The following N4BP2L2 variants were observed in gnomAD, a reference collection of about 807,000 sequenced individuals.
The protein encoded by N4BP2L2 is NEDD4-binding protein 2-like 2.
N4BP2L2 carries 50 observed loss-of-function variants against 56.2 expected under a neutral mutation model. The observed-to-expected ratio is 0.89, with a 90% CI of 0.71 to 1.13. The LOEUF (loss-of-function observed/expected upper bound fraction) is 1.13. Among genes scored for constraint, N4BP2L2 ranks in the 50% most tolerant of loss-of-function variants. The pLI is 0.00. For missense variants in N4BP2L2, 689 were observed against 693.8 expected, an observed-to-expected ratio of 0.99 and a Z score of 0.08; for synonymous variants, 203 against 223.6, an observed-to-expected ratio of 0.91 and a Z score of 0.82.
chr13:32,502,157 T>G (rs1309580616), intron 6 of N4BP2L2, among the ~76,000 whole-genome samples: 2 of 150,960 alleles, frequency 1.3e-5, no homozygotes, highest in African/African-American at 2.4e-5. Flanking sequence ...TCTGCCCTCC[T>G]GGGTTCAAGG....
intron 6 of N4BP2L2, among the ~76,000 whole-genome samples, chr13:32,453,784 A>G (rs2078504952): frequency 6.6e-6 from 1 of 152,230 alleles, no homozygotes; most frequent in Non-Finnish European, 1.5e-5. Context: ...TTCTTCTCAA[A>G]GAACTGTGGT....
intron 6 of N4BP2L2, among the ~76,000 whole-genome samples, chr13:32,500,053 C>G (rs1052102173): frequency 1.3e-5 from 2 of 152,178 alleles, no homozygotes; most frequent in Non-Finnish European, 2.9e-5. Context: ...TTGGTGTTTT[C>G]TGAGACTTTT....
chr13:32,504,778 G>A (rs1279600155), intron 6 of N4BP2L2: 1 of 152,190 alleles, frequency 6.6e-6, no homozygotes, highest in Non-Finnish European at 1.5e-5. Flanking sequence ...GTTTCACCCT[G>A]AGGCAAAATT....
intron 2 of N4BP2L2, among the ~76,000 whole-genome samples, chr13:32,532,266 A>G (rs1389060902): frequency 6.6e-6 from 1 of 152,192 alleles, no homozygotes; most frequent in Non-Finnish European, 1.5e-5. Context: ...CAAAAAACTA[A>G]TTTCTTAAAT....
chr13:32,521,276 G>A (rs1415743006), intron 5 of N4BP2L2, 97 bp downstream of exon 5: 1 of 984,422 alleles, frequency 1.0e-6, no homozygotes, highest in Non-Finnish European at 1.5e-6. Context: ...TCAGTTTCCT[G>A]AACCTACATT....
downstream of N4BP2L2, among the ~76,000 whole-genome samples, chr13:32,509,810 C>G (rs1011890591): frequency 1.3e-5 from 2 of 151,974 alleles, no homozygotes; most frequent in African/African-American, 4.8e-5. Context: ...ACAAAAATTC[C>G]AACTTTTCTA....
chr13:32,453,821 G>C lies in N4BP2L2; in HGVS notation c.366-9695C>G, dbSNP rs116710501. 2.8e-3 allele frequency among the ~76,000 whole-genome samples: 430 copies of C among 152,318 alleles called. 2 individuals are homozygous for C. The highest frequency in any genetic ancestry group is 9.7e-3 in the African/African-American group (401 of 41,550). On this transcript the variant is annotated intron_variant, in intron 6 of 9. Transcript: ENST00000357505. ...GTTTTGACCTTGCTGGTGACTCTGA[G>C]CTCAAAGGGCTTGTGCCTATTTTAA... is the stretch of plus-strand genomic sequence containing the variant.
chr13:32,516,397 A>G (rs574268862), exon 6 of N4BP2L2: 1 of 152,370 alleles, frequency 6.6e-6, no homozygotes, highest in East Asian at 1.9e-4. Context: ...AAATGTTAAC[A>G]GCACTGAATA....
At chr13:32,480,565 T>A (rs1270623668) in intron 6 of N4BP2L2, 2 of 1,206,600 alleles carry the variant, frequency 1.7e-6, no homozygotes, top group Non-Finnish European at 2.2e-6. Flanking sequence ...ATCCATTATA[T>A]CATTACTTGG....
intron 2 of N4BP2L2, among the ~76,000 whole-genome samples, chr13:32,534,778 C>T (rs1307302272): frequency 6.6e-6 from 1 of 152,172 alleles, no homozygotes; most frequent in Non-Finnish European, 1.5e-5. Context: ...ACCTCTCCAT[C>T]CTCACCCAAA....
intron 8 of N4BP2L2, among the ~76,000 whole-genome samples, chr13:32,436,807 A>AAG (rs2075553163): frequency 8.3e-6 from 1 of 119,886 alleles, no homozygotes; most frequent in East Asian, 2.0e-4. Context: ...AAAAAAAAAA[A>AAG]AAAGAAAGGA....
chr13:32,513,475 T>C (rs532019364), exon 6 of N4BP2L2: 2 of 152,330 alleles, frequency 1.3e-5, no homozygotes, highest in South Asian at 4.1e-4. Context: ...AATGATACCT[T>C]TTAAAAATAA....
chr13:32,534,392 C>T (rs1949769920), intron 2 of N4BP2L2, among the ~76,000 whole-genome samples: 1 of 152,122 alleles, frequency 6.6e-6, no homozygotes, highest in African/African-American at 2.4e-5. Flanking sequence ...TCTATACCCA[C>T]TCTTAGTCAA....
At chr13:32,479,302 T>C (rs942548575) in intron 6 of N4BP2L2, among the ~76,000 whole-genome samples, 3 of 152,114 alleles carry the variant, frequency 2.0e-5, no homozygotes, top group African/African-American at 7.2e-5. Flanking sequence ...AGTCTGACTC[T>C]GTCGCCCAGG....
chr13:32,487,660 C>T (rs561314111), intron 6 of N4BP2L2, among the ~76,000 whole-genome samples: 3 of 151,526 alleles, frequency 2.0e-5, no homozygotes, highest in South Asian at 2.1e-4. Flanking sequence ...CAACAGAACG[C>T]GACTCCATCT....
exon 6 of N4BP2L2, chr13:32,511,024 C>T (rs756076776): frequency 1.3e-5 from 2 of 151,310 alleles, no homozygotes; most frequent in Non-Finnish European, 2.9e-5. Context: ...TACAGGGTTA[C>T]AGTAGATACA....
chr13:32,515,494 T>C (rs1270857671), exon 6 of N4BP2L2: 1 of 152,182 alleles, frequency 6.6e-6, no homozygotes, highest in African/African-American at 2.4e-5. Context: ...AAGATTTATT[T>C]ATTTATTTGG....
intron 6 of N4BP2L2, among the ~76,000 whole-genome samples, chr13:32,446,891 C>T (rs1472606758): frequency 6.6e-6 from 1 of 152,182 alleles, no homozygotes; most frequent in Non-Finnish European, 1.5e-5. Flanking sequence ...GTTTTAACCC[C>T]ATCTTACAAA....
chr13:32,434,459 A>G (rs2075248199), intron 9 of N4BP2L2, among the ~76,000 whole-genome samples: 1 of 151,944 alleles, frequency 6.6e-6, no homozygotes, highest in Admixed American at 6.6e-5. Context: ...AAAGATAAAA[A>G]TTTTACAAAT....
Sources: allele counts gnomAD v4.1 joint callset (sites outside exome capture counted in the v4.1 genomes callset), GRCh38; gene constraint gnomAD v4.1.1; transcripts MANE v1.5; gene names NCBI Gene and HGNC (gene_info 2026-07-23, HGNC 2026-07-21).